PCDHGA2: variants seen among roughly 807,000 people sequenced by gnomAD.
PCDHGA2 encodes the protein protocadherin gamma-A2.
In PCDHGA2, 40 loss-of-function variants were observed where a neutral mutation model predicts 59.2. The observed-to-expected ratio is 0.68, with a 90% CI of 0.52 to 0.88. PCDHGA2 has a LOEUF of 0.88. PCDHGA2 is among the 40% of genes least tolerant of loss of function. PCDHGA2 has a pLI of 0.00. For missense variants in PCDHGA2, 1,226 were observed against 1,204.0 expected (o/e 1.02, Z -0.27); for synonymous variants, 560 against 526.0 (o/e 1.06, Z -0.89).
At chr5:141,365,446 T>A in intron 1 of PCDHGA2, 1 of 1,614,030 alleles carries the variant, frequency 6.2e-7, no homozygotes, top group Non-Finnish European at 8.5e-7. Context: ...TTAGCGTACA[T>A]GATGGTGATT....
rs2099622509 is a variant in PCDHGA2 at position 141,485,988 on chromosome 5, G to T, written c.2425-8819G>T. On this transcript the variant is annotated intron_variant, in intron 1 of 3. Coordinates refer to ENST00000394576, the MANE Select transcript of PCDHGA2 (RefSeq NM_018915.4). The surrounding 1 kb of genome is among the most constrained non-coding windows in gnomAD (Gnocchi z 5.7). The stretch of plus-strand genomic sequence containing the variant: ...CTCAATGCCTCAGACCCGGACCTGG[G>T]TCCCAGTGGTAACGTCACCTTTTAT... 16 of 1,614,188 alleles carry T rather than the reference G, an allele frequency of 9.9e-6. No homozygotes were observed. The highest frequency in any genetic ancestry group is 1.4e-5 in the Non-Finnish European group (16 of 1,180,038).
intron 1 of PCDHGA2, among the ~76,000 whole-genome samples, chr5:141,369,797 C>G (rs1238211646): frequency 6.6e-6 from 1 of 152,214 alleles, no homozygotes; most frequent in East Asian, 1.9e-4. Context: ...ACTACGTCTT[C>G]TGCCATCACC....
At chr5:141,496,249 A>G (rs1385823714) in intron 2 of PCDHGA2, among the ~76,000 whole-genome samples, 1 of 152,078 alleles carries the variant, frequency 6.6e-6, no homozygotes, top group East Asian at 1.9e-4. Context: ...GCTGAAGGGG[A>G]GGGAAACTTC....
At chr5:141,343,505 T>C (rs958261053) in intron 1 of PCDHGA2, among the ~76,000 whole-genome samples, 1 of 152,198 alleles carries the variant, frequency 6.6e-6, no homozygotes, top group Non-Finnish European at 1.5e-5. Context: ...GTTGTGTTGG[T>C]CCTTACGGCC....
rs374095590 is a variant in PCDHGA2, at chr5:141,431,523, T to C, written c.2425-63284T>C. On this transcript the variant is annotated intron_variant, in intron 1 of 3. Coordinates refer to ENST00000394576, the MANE Select transcript of PCDHGA2 (RefSeq NM_018915.4). This position sits in a 1 kb window ranked among gnomAD's most constrained non-coding sequence, Gnocchi z 4.8. ...TACCGCGCGAGCGTTCCGGAGAATC[T>C]GGCCTTGGGCACGCAGCTGCTTGTA... 13 of 1,613,952 alleles carry C rather than the reference T, an allele frequency of 8.1e-6. No homozygotes were observed. The African/African-American group carries it at 1.5e-4, about 18-fold the overall frequency.
intron 1 of PCDHGA2, chr5:141,400,506 G>A (rs771674964): frequency 3.7e-6 from 6 of 1,613,830 alleles, no homozygotes; most frequent in Non-Finnish European, 5.1e-6. Context: ...CCAGCGAGTC[G>A]ACTTCCCATC....
chr5:141,360,200 T>A lies in PCDHGA2; in HGVS notation c.2424+18805T>A, dbSNP rs1252813775. The A allele has an allele frequency of 2.5e-6, 4 of 1,612,720 alleles. No individual in the cohort carries two copies. The Admixed American group carries it at 6.7e-5, about 27-fold the overall frequency. ...CTGCAGGTACTGTTGCCCTTCCTGTTGTCTTTGTTCCCCGGGGCTCTCCCA... is the reference window on the plus strand; with the variant it reads ...CTGCAGGTACTGTTGCCCTTCCTGTAGTCTTTGTTCCCCGGGGCTCTCCCA... On this transcript the variant is annotated intron_variant, in intron 1 of 3. Transcript: ENST00000394576.
At position 141,486,679 on chromosome 5, in the gene PCDHGA2, A is replaced by G. The variant is rs1416879364; in HGVS notation, c.2425-8128A>G. The G allele has an allele frequency of 6.2e-7, 1 of 1,614,092 alleles. No individual in the cohort carries two copies. The highest frequency in any genetic ancestry group is 1.7e-5 in the Admixed American group (1 of 60,026). On this transcript the variant is annotated intron_variant, in intron 1 of 3. Coordinates refer to ENST00000394576, the MANE Select transcript of PCDHGA2 (RefSeq NM_018915.4). The surrounding 1 kb of genome is among the most constrained non-coding windows in gnomAD (Gnocchi z 5.0). Reference sequence around the variant, plus strand: ...TCCTGGAGCCCAGGAATCGAGATGTATCAGCTTCCTCTTTCATCTCTCTGA... The same window carrying G: ...TCCTGGAGCCCAGGAATCGAGATGTGTCAGCTTCCTCTTTCATCTCTCTGA...
chr5:141,345,957 C>T (rs1179640117), intron 1 of PCDHGA2: 5 of 1,613,506 alleles, frequency 3.1e-6, no homozygotes, highest in Non-Finnish European at 4.2e-6. Context: ...CAAGCAGAGC[C>T]TCGTGGTGGC....
At position 141,487,728 on chromosome 5, in the gene PCDHGA2, C is replaced by T. The variant is rs986276637; in HGVS notation, c.2425-7079C>T. 2 of 1,570,444 alleles carry T rather than the reference C, an allele frequency of 1.3e-6. No homozygotes were observed. Among genetic ancestry groups the T allele is most frequent in the East Asian group, 2.3e-5 (1 of 42,866 alleles). ...TCAGTAAGTGCCCATAGTGATGTCA[C>T]CATTTTTGTAAGAGGTAACTATGTG... On this transcript the variant is annotated intron_variant, in intron 1 of 3. Coordinates refer to ENST00000394576, the MANE Select transcript of PCDHGA2 (RefSeq NM_018915.4). The surrounding 1 kb of genome is among the most constrained non-coding windows in gnomAD (Gnocchi z 5.0).
chr5:141,356,558 C>T lies in PCDHGA2; in HGVS notation c.2424+15163C>T, dbSNP rs1307592617. 3 of 1,614,174 alleles carry T rather than the reference C, an allele frequency of 1.9e-6. No homozygotes were observed. In the South Asian group the frequency reaches 3.3e-5, roughly 18 times the overall value. Reference sequence around the variant, plus strand: ...ATCAATGACAACCCACCCACTTTCCCTCATGCTTCCTACTCTGCTTACATT... The same window carrying T: ...ATCAATGACAACCCACCCACTTTCCTTCATGCTTCCTACTCTGCTTACATT... On this transcript the variant is annotated intron_variant, in intron 1 of 3. Transcript: ENST00000394576.
intron 1 of PCDHGA2, chr5:141,343,372 G>A: frequency 2.0e-6 from 2 of 982,464 alleles, no homozygotes; most frequent in South Asian, 4.7e-5. Flanking sequence ...GTATAGAGAG[G>A]GAAAGGTCAA....
chr5:141,364,168 ACTCTGCTCCCT>A, intron 1 of PCDHGA2: 1 of 748,396 alleles, frequency 1.3e-6, no homozygotes, highest in Non-Finnish European at 2.0e-6. Flanking sequence ...AGGCGACCCG[ACTCTGCTCCCT>A]CCATACTAAA....
At chr5:141,393,632 C>T (rs1477463079) in intron 1 of PCDHGA2, 1 of 1,613,930 alleles carries the variant, frequency 6.2e-7, no homozygotes, top group Non-Finnish European at 8.5e-7. Context: ...ATGAGGGAAT[C>T]AACGGAAAAG....
Position 141,400,542 on chromosome 5 carries a change from C to G in PCDHGA2, c.2424+59147C>G, listed in dbSNP as rs373097307. On this transcript the variant is annotated intron_variant, in intron 1 of 3. Transcript: ENST00000394576. ...CTGAGTTGGTGAGTTTCATTTATGT[C>G]TATTCTTTTTCATTACCCACCCAAT... 5.6e-6 allele frequency: 9 copies of G among 1,613,628 alleles called. No individual in the cohort carries two copies. In the African/African-American group the frequency reaches 8.0e-5, roughly 14 times the overall value.
chr5:141,348,967 T>C (rs17097224), intron 1 of PCDHGA2, among the ~76,000 whole-genome samples: 8,786 of 152,250 alleles, frequency 0.058, 402 homozygotes, highest in African/African-American at 0.13. Context: ...AGTTCCAAAA[T>C]TGGGTGTCTA....
rs1476740920 is a variant in PCDHGA2, at chr5:141,443,326, A to AC, written c.2425-51481_2425-51480insC. Among the ~76,000 whole-genome samples the AC allele has an allele frequency of 3.3e-5, 5 of 151,792 alleles. No homozygotes were observed. The South Asian group carries it at 8.3e-4, about 25-fold the overall frequency. ...CAAAAACCCATCTCTACAAAAAAAA[A>AC]AAACAAAAATTAACAAGGTTTAGTG... On this transcript the variant is annotated intron_variant, in intron 1 of 3. Transcript: ENST00000394576.
At chr5:141,372,231 G>C (rs868293386) in intron 1 of PCDHGA2, 4 of 1,613,256 alleles carry the variant, frequency 2.5e-6, no homozygotes, top group Non-Finnish European at 3.4e-6. Context: ...GCAGGCCAGC[G>C]AGCCCGGGCT....
In PCDHGA2 at chr5:141,356,423, G is replaced by C. The variant is rs760964193; in HGVS notation, c.2424+15028G>C. 20 of 1,606,564 alleles carry C rather than the reference G, an allele frequency of 1.2e-5. No individual in the cohort carries two copies. The Admixed American group carries it at 2.6e-4, about 21-fold the overall frequency. On this transcript the variant is annotated intron_variant, in intron 1 of 3. Transcript: ENST00000394576. ...AATTATTATCGGTTGTTGACACACA[G>C]AACACTGGACAGGGAAGAAGTCTCA... is the stretch of plus-strand genomic sequence containing the variant.
Sources: gnomAD v4.1 joint callset for allele counts (sites outside exome capture counted in the v4.1 genomes callset) on GRCh38, gnomAD v4.1.1 for gene constraint, Gnocchi (gnomAD v3.1) non-coding constraint, MANE v1.5 for transcripts, NCBI Gene and HGNC (gene_info 2026-07-23, HGNC 2026-07-21) for gene names.